The following GNA12 variants were observed in gnomAD, a reference collection of about 807,000 sequenced individuals.
GNA12 encodes the protein G protein subunit alpha 12, also known as guanine nucleotide-binding protein subunit alpha-12.
In GNA12, 9 loss-of-function variants were observed where a neutral mutation model predicts 26.0. The observed-to-expected ratio is 0.35, with a 90% CI of 0.21 to 0.60. The LOEUF is 0.60. Ranked by LOEUF, GNA12 falls within the 20% of genes least tolerant of loss-of-function variation. GNA12 has a pLI of 0.78. For synonymous variants in GNA12, 264 were observed against 219.6 expected, an observed-to-expected ratio of 1.20 and a Z score of -1.79; for missense variants, 405 against 525.8, an observed-to-expected ratio of 0.77 and a Z score of 2.25.
At chr7:2,767,383 T>A (rs915282903) in intron 2 of GNA12, among the ~76,000 whole-genome samples, 1 of 152,220 alleles carries the variant, frequency 6.6e-6, no homozygotes, top group Non-Finnish European at 1.5e-5. Flanking sequence ...TATGTTTAAG[T>A]CTTTAAGCCA....
intron 1 of GNA12, among the ~76,000 whole-genome samples, chr7:2,807,019 T>C (rs1215484914): frequency 1.3e-5 from 2 of 152,242 alleles, no homozygotes. Flanking sequence ...CATTTATGTT[T>C]AATAACTTTT....
chr7:2,751,683 T>C (rs921033654), intron 2 of GNA12, among the ~76,000 whole-genome samples: 3 of 152,198 alleles, frequency 2.0e-5, no homozygotes, highest in Non-Finnish European at 4.4e-5. Flanking sequence ...GAAAAAGTTA[T>C]ACTATAGCTC....
intron 1 of GNA12, among the ~76,000 whole-genome samples, chr7:2,804,363 G>C (rs1234652600): frequency 6.6e-6 from 1 of 151,900 alleles, no homozygotes; most frequent in Non-Finnish European, 1.5e-5. Flanking sequence ...ATATAGACGG[G>C]TGTGTGTGTA....
intron 2 of GNA12, among the ~76,000 whole-genome samples, chr7:2,754,170 T>C (rs559174270): frequency 6.6e-6 from 1 of 152,322 alleles, no homozygotes; most frequent in East Asian, 1.9e-4. Flanking sequence ...TGTTAATAGG[T>C]GTGTAGTGCT....
intron 2 of GNA12, among the ~76,000 whole-genome samples, chr7:2,768,747 C>A (rs921870266): frequency 6.6e-6 from 1 of 151,198 alleles, no homozygotes; most frequent in African/African-American, 2.4e-5. Flanking sequence ...ATTCCCACAA[C>A]TATTAATCAC....
intron 1 of GNA12, among the ~76,000 whole-genome samples, chr7:2,825,313 G>C (rs953798274): frequency 1.1e-4 from 16 of 152,140 alleles, no homozygotes; most frequent in Admixed American, 9.8e-4. Context: ...CCAACCAGAA[G>C]CCAGAAAGCA....
chr7:2,800,448 T>C (rs757944394), intron 1 of GNA12, among the ~76,000 whole-genome samples: 2 of 152,184 alleles, frequency 1.3e-5, no homozygotes, highest in African/African-American at 4.8e-5. Flanking sequence ...CCACACACAG[T>C]GTCCCAAAGC....
chr7:2,731,439 G>A lies in GNA12; in HGVS notation c.888C>T (p.Asn296=). Residue 296 remains asparagine, a synonymous_variant, in exon 4 of 4, where the codon AAC becomes AAT. Coordinates refer to ENST00000275364, the MANE Select transcript of GNA12 (RefSeq NM_007353.3). This position sits in a 1 kb window ranked among gnomAD's most constrained non-coding sequence, Gnocchi z 6.0. ...CCTTCTCCACCAGGAGGTCCATCTT[G>A]TTGAGGAAGAGAATGATGGAGACGT... ...FFNVSIILFL[N]KMDLLVEKVK... is the part of the protein sequence containing the mutation. The A allele has an allele frequency of 6.2e-7, 1 of 1,613,814 alleles. No homozygotes were observed. Among genetic ancestry groups the A allele is most frequent in the Non-Finnish European group, 8.5e-7 (1 of 1,179,776 alleles).
chr7:2,835,409 G>A (rs1778808890), intron 1 of GNA12, among the ~76,000 whole-genome samples: 2 of 152,194 alleles, frequency 1.3e-5, no homozygotes, highest in East Asian at 3.8e-4. Flanking sequence ...TTGGCCCACG[G>A]GGGTTGCCGG....
intron 1 of GNA12, among the ~76,000 whole-genome samples, chr7:2,817,778 G>A (rs575143659): frequency 2.0e-5 from 3 of 152,254 alleles, no homozygotes; most frequent in Admixed American, 6.5e-5. Flanking sequence ...GGAGGAGAAC[G>A]GAACATAGAA....
intron 1 of GNA12, 53 bp downstream of exon 1, chr7:2,843,800 G>C: frequency 1.9e-6 from 2 of 1,066,972 alleles, no homozygotes; most frequent in South Asian, 3.9e-5. Flanking sequence ...CGGGGCGGGG[G>C]TTAGCGCCCC....
In GNA12 at chr7:2,731,195, T is replaced by C. The variant is rs1197066546; in HGVS notation, c.1132A>G (p.Ile378Val). 1.2e-6 allele frequency: 2 copies of C among 1,609,730 alleles called. No homozygotes were observed. The highest frequency in any genetic ancestry group is 2.7e-5 in the African/African-American group (2 of 74,714). ...DTILQENLKD[I>V]MLQ Reference sequence around the variant, plus strand: ...GGCTTCCTCGCTCACTGCAGCATGATGTCCTTCAGGTTCTCCTGCAGGATG... The same window carrying C: ...GGCTTCCTCGCTCACTGCAGCATGACGTCCTTCAGGTTCTCCTGCAGGATG... The change falls in exon 4 of 4, where the codon ATC becomes GTC. Residue 378 changes from isoleucine to valine, a missense_variant. Ile to Val is a conservative substitution (Grantham distance 29, BLOSUM62 3). Transcript: ENST00000275364. This position sits in a 1 kb window ranked among gnomAD's most constrained non-coding sequence, Gnocchi z 6.0.
chr7:2,746,028 G>A (rs574396198), intron 2 of GNA12, among the ~76,000 whole-genome samples: 1 of 152,060 alleles, frequency 6.6e-6, no homozygotes, highest in Non-Finnish European at 1.5e-5. Flanking sequence ...AGCAAGTCCT[G>A]AGTGACCTAC....
chr7:2,792,134 C>G lies in GNA12; in HGVS notation c.525+2794G>C, dbSNP rs574571635. The stretch of plus-strand genomic sequence containing the variant: ...GCCAAGTGCACGTCTAGATTAAAAG[C>G]TCACTCGCTGGAGACAGGCTCATGT... On this transcript the variant is annotated intron_variant, in intron 2 of 3. Coordinates refer to ENST00000275364, the MANE Select transcript of GNA12 (RefSeq NM_007353.3). Among the ~76,000 whole-genome samples, 11 of 152,356 alleles carry G rather than the reference C, an allele frequency of 7.2e-5. No homozygotes were observed. The South Asian group carries it at 2.3e-3, about 32-fold the overall frequency.
At chr7:2,766,884 C>A (rs1478089397) in intron 2 of GNA12, among the ~76,000 whole-genome samples, 1 of 152,200 alleles carries the variant, frequency 6.6e-6, no homozygotes, top group South Asian at 2.1e-4. Flanking sequence ...TTTCTCCATT[C>A]CTCACCAACA....
At chr7:2,773,196 A>G (rs1296037162) in intron 2 of GNA12, among the ~76,000 whole-genome samples, 1 of 152,244 alleles carries the variant, frequency 6.6e-6, no homozygotes, top group Non-Finnish European at 1.5e-5. Context: ...GAGTAGATAC[A>G]TACGTAAATC....
At chr7:2,842,979 A>G (rs192725673) in intron 1 of GNA12, among the ~76,000 whole-genome samples, 1 of 152,226 alleles carries the variant, frequency 6.6e-6, no homozygotes, top group East Asian at 1.9e-4. Flanking sequence ...TATTTTCTCT[A>G]CTTTTGTATA....
At chr7:2,824,446 A>T (rs1403884814) in intron 1 of GNA12, among the ~76,000 whole-genome samples, 1 of 152,084 alleles carries the variant, frequency 6.6e-6, no homozygotes, top group African/African-American at 2.4e-5. Flanking sequence ...TCACCTCTGC[A>T]GGCGGCTCCC....
intron 2 of GNA12, among the ~76,000 whole-genome samples, chr7:2,749,969 G>A (rs1338607623): frequency 6.6e-6 from 1 of 152,200 alleles, no homozygotes; most frequent in African/African-American, 2.4e-5. Flanking sequence ...AACAAAGAGA[G>A]TGGGGCAGAG....
Sources: gnomAD v4.1 joint callset for allele counts (sites outside exome capture counted in the v4.1 genomes callset) on GRCh38, gnomAD v4.1.1 for gene constraint, Gnocchi (gnomAD v3.1) non-coding constraint, MANE v1.5 for transcripts, NCBI Gene and HGNC (gene_info 2026-07-23, HGNC 2026-07-21) for gene names.